Variants in UNC13C observed in about 807,000 individuals in gnomAD.
UNC13C encodes the protein protein unc-13 homolog C.
In UNC13C, 174 loss-of-function variants were observed where a neutral mutation model predicts 245.4. That is an observed-to-expected ratio of 0.71 (90% CI 0.63 to 0.80). The LOEUF (loss-of-function observed/expected upper bound fraction) is 0.80. Ranked by LOEUF, UNC13C falls within the 30% of genes least tolerant of loss-of-function variation. The pLI is 0.00. For missense variants in UNC13C, 2,829 were observed against 2,602.9 expected (o/e 1.09, Z -1.89); for synonymous variants, 992 against 895.1 (o/e 1.11, Z -1.93).
the UNC13C span, among the ~76,000 whole-genome samples, chr15:53,919,193 G>T: frequency 3.9e-5 from 6 of 152,114 alleles, no homozygotes; most frequent in Non-Finnish European, 5.9e-5. Context: ...GTGAGCTTGG[G>T]CAGGTTACGT....
intron 30 of UNC13C, chr15:54,609,350 C>T (rs1899950640): frequency 6.6e-6 from 1 of 152,180 alleles, no homozygotes; most frequent in Non-Finnish European, 1.5e-5. Context: ...TTCAGTGACT[C>T]ACTCACATGC....
rs150283202 is a variant in UNC13C at position 54,127,144 on chromosome 15, C to T, written c.2984-15874C>T. On this transcript the variant is annotated intron_variant, in intron 2 of 32. Coordinates refer to ENST00000260323, the MANE Select transcript of UNC13C (RefSeq NM_001080534.3). ...AATTCGGTCATTGTGGAAAACAGTG[C>T]GGCGATTCCTCAGTGATCTAGAACC... is the stretch of plus-strand genomic sequence containing the variant. 4.3e-3 allele frequency among the ~76,000 whole-genome samples: 661 copies of T among 152,158 alleles called. 39 individuals are homozygous for T. In the East Asian group the frequency reaches 0.085, roughly 20 times the overall value.
the UNC13C span, among the ~76,000 whole-genome samples, chr15:53,967,424 A>T: frequency 1.3e-5 from 2 of 151,802 alleles, no homozygotes; most frequent in African/African-American, 2.4e-5. Flanking sequence ...TCAAGTGAGT[A>T]CCTTTGTTTA....
intron 17 of UNC13C, among the ~76,000 whole-genome samples, chr15:54,372,818 G>A (rs1345934988): frequency 1.3e-5 from 2 of 152,184 alleles, no homozygotes; most frequent in Non-Finnish European, 2.9e-5. Flanking sequence ...AGTGGTAGAA[G>A]CATTCTATAC....
intron 29 of UNC13C, among the ~76,000 whole-genome samples, chr15:54,565,761 A>T (rs1322800417): frequency 1.3e-5 from 2 of 152,022 alleles, no homozygotes; most frequent in African/African-American, 2.4e-5. Flanking sequence ...AAAATCATCT[A>T]TACTATTATT....
chr15:54,479,367 G>T (rs1251590127), intron 19 of UNC13C, among the ~76,000 whole-genome samples: 1 of 152,022 alleles, frequency 6.6e-6, no homozygotes, highest in African/African-American at 2.4e-5. Context: ...TTAATGTAAA[G>T]TCTCTTTTGT....
chr15:53,934,890 A>T, the UNC13C span, among the ~76,000 whole-genome samples: 1 of 152,114 alleles, frequency 6.6e-6, no homozygotes, highest in African/African-American at 2.4e-5. Context: ...CACCCTTACG[A>T]TCCAGTCAAC....
At chr15:54,338,256 G>T (rs2038640910) in intron 16 of UNC13C, 105 bp from the exon 17 acceptor site, 2 of 1,322,096 alleles carry the variant, frequency 1.5e-6, no homozygotes, top group South Asian at 2.0e-5. Flanking sequence ...ACTGAACATA[G>T]AAAAATCGAC....
chr15:54,027,745 C>A (rs1052466768), intron 2 of UNC13C, among the ~76,000 whole-genome samples: 1 of 151,522 alleles, frequency 6.6e-6, no homozygotes, highest in African/African-American at 2.4e-5. Context: ...TCCTCCTTAG[C>A]AGTTTATTTG....
At chr15:54,577,354 G>A (rs1179178650) in intron 30 of UNC13C, among the ~76,000 whole-genome samples, 1 of 152,120 alleles carries the variant, frequency 6.6e-6, no homozygotes, top group Non-Finnish European at 1.5e-5. Flanking sequence ...TTAGTTTTAG[G>A]AGCATTTGTC....
chr15:53,989,379 A>G (rs1595683811), intron 1 of UNC13C, among the ~76,000 whole-genome samples: 1 of 152,040 alleles, frequency 6.6e-6, no homozygotes, highest in South Asian at 2.1e-4. Flanking sequence ...GCCTGAAATC[A>G]TAGCCTGGTA....
intron 29 of UNC13C, among the ~76,000 whole-genome samples, chr15:54,565,298 C>G (rs1897462338): frequency 1.3e-5 from 2 of 151,748 alleles, no homozygotes; most frequent in Admixed American, 6.6e-5. Flanking sequence ...ATGTTAGCAT[C>G]CAGCACAAGG....
At chr15:54,245,014 G>A (rs1172611766) in intron 7 of UNC13C, among the ~76,000 whole-genome samples, 2 of 152,098 alleles carry the variant, frequency 1.3e-5, no homozygotes, top group Non-Finnish European at 2.9e-5. Context: ...GAATAGGAGT[G>A]GTAACAGAGG....
At chr15:54,092,842 C>T (rs541893151) in intron 2 of UNC13C, among the ~76,000 whole-genome samples, 2 of 152,086 alleles carry the variant, frequency 1.3e-5, no homozygotes, top group South Asian at 4.1e-4. Context: ...CCTCATTGGC[C>T]ACCTCAACCA....
the UNC13C span, among the ~76,000 whole-genome samples, chr15:53,909,273 C>G: frequency 1.4e-5 from 2 of 145,856 alleles, no homozygotes; most frequent in Non-Finnish European, 3.1e-5. Flanking sequence ...CTGCACTGTG[C>G]TTTTTTTTAA....
chr15:54,250,171 C>G (rs1163627906), intron 7 of UNC13C, 54 bp from the exon 8 acceptor site: 45 of 1,522,736 alleles, frequency 3.0e-5, no homozygotes, highest in Non-Finnish European at 4.1e-5. Flanking sequence ...TATTTTGAAA[C>G]AATTCAAATC....
In UNC13C at chr15:54,236,533, G is replaced by C. The variant is rs945965034; in HGVS notation, c.3156+98G>C. 3.8e-5 allele frequency: 34 copies of C among 899,092 alleles called. No homozygotes were observed. In the African/African-American group the frequency reaches 5.6e-4, roughly 15 times the overall value. 55.7% of individuals were successfully genotyped at this position (899,092 alleles called of 1,614,324 possible). A position where few individuals can be genotyped will look rare whatever the true frequency, so the allele number is the denominator to read the frequency against. On this transcript the variant is annotated intron_variant, in intron 6 of 32. Coordinates refer to ENST00000260323, the MANE Select transcript of UNC13C (RefSeq NM_001080534.3). ...TAAAAGAGGGCAAGAATGGAGAAAT[G>C]AAAAGACAGACATACAAGAATAAGA...
intron 11 of UNC13C, among the ~76,000 whole-genome samples, chr15:54,295,128 C>G (rs563249200): frequency 1.7e-4 from 26 of 150,800 alleles, no homozygotes; most frequent in Admixed American, 1.7e-3. Context: ...GAGCCACCCC[C>G]CAAAGCTTGT....
At chr15:54,457,865 A>G (rs1057047803) in intron 19 of UNC13C, among the ~76,000 whole-genome samples, 1 of 112,108 alleles carries the variant, frequency 8.9e-6, no homozygotes, top group Non-Finnish European at 1.9e-5. Context: ...TTTTGTTTCA[A>G]TTTCATGTAG....
Sources: gnomAD v4.1 joint callset for allele counts (sites outside exome capture counted in the v4.1 genomes callset) on GRCh38, gnomAD v4.1.1 for gene constraint, MANE v1.5 for transcripts, NCBI Gene and HGNC (gene_info 2026-07-23, HGNC 2026-07-21) for gene names.